ZNF512: variants seen among roughly 807,000 people sequenced by gnomAD.
ZNF512 encodes the protein zinc finger protein 512.
In ZNF512, 25 loss-of-function variants were observed where a neutral mutation model predicts 77.5. The observed-to-expected ratio is 0.32, with a 90% CI of 0.23 to 0.45. The LOEUF (loss-of-function observed/expected upper bound fraction) is 0.45. Ranked by LOEUF, ZNF512 falls within the 20% of genes least tolerant of loss-of-function variation. The probability of loss-of-function intolerance (pLI) is 1.00; values close to 1 mark genes in which losing one functional copy is unlikely to be tolerated. For synonymous variants in ZNF512, 246 were observed against 239.9 expected, an observed-to-expected ratio of 1.03 and a Z score of -0.24; for missense variants, 483 against 692.6, an observed-to-expected ratio of 0.70 and a Z score of 3.40.
rs1261959349 is a variant in ZNF512 at position 27,607,979 on chromosome 2, A to T, written c.1071A>T (p.Glu357Asp). ...ACCTACAGGAGCTGGCCTCTGCTGAACTGGCCAAGGAATGGCCCAAGAGGA... is the reference window on the plus strand; with the variant it reads ...ACCTACAGGAGCTGGCCTCTGCTGATCTGGCCAAGGAATGGCCCAAGAGGA... ...VYHLQELASA[E>D]LAKEWPKRKV... is the part of the protein sequence containing the mutation. The change falls in exon 10 of 14, where the codon GAA (glutamate) becomes GAT (aspartate). Residue 357 changes from glutamate to aspartate, a missense_variant. Glu to Asp is a conservative substitution (Grantham distance 45). Transcript: ENST00000355467. 1 of 1,612,278 alleles carries T rather than the reference A, an allele frequency of 6.2e-7. No individual in the cohort carries two copies. Among genetic ancestry groups the T allele is most frequent in the Non-Finnish European group, 8.5e-7 (1 of 1,179,196 alleles).
At chr2:27,596,165 C>T (rs867825727) in intron 2 of ZNF512, among the ~76,000 whole-genome samples, 9 of 152,248 alleles carry the variant, frequency 5.9e-5, no homozygotes, top group South Asian at 4.2e-4. Flanking sequence ...TTTGAGCTGT[C>T]CCAAACATGA....
intron 10 of ZNF512, among the ~76,000 whole-genome samples, chr2:27,612,372 G>C (rs1397049222): frequency 6.6e-6 from 1 of 151,864 alleles, no homozygotes; most frequent in Admixed American, 6.6e-5. Flanking sequence ...TTTTATTAAA[G>C]AATATATTTA....
At chr2:27,619,698 A>G (rs537598478) in intron 13 of ZNF512, among the ~76,000 whole-genome samples, 2 of 152,172 alleles carry the variant, frequency 1.3e-5, no homozygotes, top group South Asian at 2.1e-4. Context: ...TGAACCCAGT[A>G]TGCTGTCAGC....
Position 27,583,733 on chromosome 2 carries a change from A to C in ZNF512, c.89+17A>C. 6.2e-7 allele frequency: 1 copy of C among 1,613,292 alleles called. No individual in the cohort carries two copies. Reference sequence around the variant, plus strand: ...AGCTAAGAAGTAAGTGAGGTTTTCTAAGGTCCTTTTATGATTGTGTCACCA... The same window carrying C: ...AGCTAAGAAGTAAGTGAGGTTTTCTCAGGTCCTTTTATGATTGTGTCACCA... On this transcript the variant is annotated intron_variant, in intron 2 of 13. Coordinates refer to ENST00000355467, the MANE Select transcript of ZNF512 (RefSeq NM_032434.4).
intron 9 of ZNF512, among the ~76,000 whole-genome samples, chr2:27,607,515 G>A (rs756665777): frequency 2.6e-5 from 4 of 152,020 alleles, no homozygotes; most frequent in Non-Finnish European, 5.9e-5. Context: ...CTACAGGCGT[G>A]TGCCACCATG....
At position 27,601,448 on chromosome 2, in the gene ZNF512, A is replaced by G; in HGVS notation, c.669+6A>G. The G allele has an allele frequency of 6.2e-7, 1 of 1,607,572 alleles. No homozygotes were observed. The highest frequency in any genetic ancestry group is 8.5e-7 in the Non-Finnish European group (1 of 1,175,866). On this transcript the variant is annotated splice_donor_region_variant and intron_variant, in intron 7 of 13. Coordinates refer to ENST00000355467, the MANE Select transcript of ZNF512 (RefSeq NM_032434.4). ...TGGCAAATCATAATAGTTTGGTAAG[A>G]GTGTCTTCTGTCTTTTGTGAGTGTT... is the stretch of plus-strand genomic sequence containing the variant.
At chr2:27,589,538 A>T (rs1382518268) in intron 2 of ZNF512, among the ~76,000 whole-genome samples, 2 of 152,132 alleles carry the variant, frequency 1.3e-5, no homozygotes, top group Non-Finnish European at 2.9e-5. Flanking sequence ...CATTTCAAAG[A>T]ACCACATTTC....
intron 10 of ZNF512, among the ~76,000 whole-genome samples, chr2:27,610,544 GTATATATA>G (rs1247718248): frequency 4.3e-4 from 14 of 32,660 alleles, no homozygotes; most frequent in Admixed American, 1.8e-3. Flanking sequence ...ATATGTGTGT[GTATATATA>G]TATATATATA....
rs1420253737 is a variant in ZNF512, at chr2:27,598,191, C to T, written c.214C>T (p.Arg72Ter). ...EPVSDFPASF[R>*]KSTYWMKMRR... ...AGTGAGTGATTTTCCAGCATCTTTCCGAAAATCTACCTACTGGATGAAGAT... is the reference window on the plus strand; with the variant it reads ...AGTGAGTGATTTTCCAGCATCTTTCTGAAAATCTACCTACTGGATGAAGAT... The change falls in exon 3 of 14, where the codon CGA becomes TGA. Residue 72 changes from arginine to a stop codon, truncating the protein, a stop_gained. Coordinates refer to ENST00000355467, the MANE Select transcript of ZNF512 (RefSeq NM_032434.4). LOFTEE classifies it high-confidence loss of function. 1.9e-6 allele frequency: 3 copies of T among 1,613,986 alleles called. No individual in the cohort carries two copies. The highest frequency in any genetic ancestry group is 2.5e-6 in the Non-Finnish European group (3 of 1,179,984).
At chr2:27,596,374 C>A (rs1671870916) in intron 2 of ZNF512, among the ~76,000 whole-genome samples, 1 of 152,208 alleles carries the variant, frequency 6.6e-6, no homozygotes, top group African/African-American at 2.4e-5. Flanking sequence ...TGGATTCATA[C>A]ATTGAATTAA....
chr2:27,610,086 C>T (rs13404817), intron 10 of ZNF512, among the ~76,000 whole-genome samples: 81 of 150,590 alleles, frequency 5.4e-4, no homozygotes, highest in African/African-American at 1.6e-3. Flanking sequence ...TATTTGTTGC[C>T]GGGCGTGGTG....
At chr2:27,614,874 A>G (rs1672817253) in intron 10 of ZNF512, among the ~76,000 whole-genome samples, 1 of 151,734 alleles carries the variant, frequency 6.6e-6, no homozygotes, top group African/African-American at 2.4e-5. Context: ...TTTTTAACAC[A>G]TATTTTAATT....
chr2:27,614,742 A>G (rs1672810135), intron 10 of ZNF512, among the ~76,000 whole-genome samples: 1 of 151,484 alleles, frequency 6.6e-6, no homozygotes, highest in Non-Finnish European at 1.5e-5. Flanking sequence ...ATACACTTCT[A>G]ACCTTTTACT....
rs772409987 is a variant in ZNF512 at position 27,603,591 on chromosome 2, T to TATTA, written c.936+284_936+285insATTA. ...TTTATATAGTGTGTGTGTGTGTATATTTTTTTTTTTTTTTTTCTTCAAGAG... is the reference window on the plus strand; with the variant it reads ...TTTATATAGTGTGTGTGTGTGTATATATTATTTTTTTTTTTTTTTTCTTCAAGAG... On this transcript the variant is annotated intron_variant, in intron 9 of 13. Coordinates refer to ENST00000355467, the MANE Select transcript of ZNF512 (RefSeq NM_032434.4). Among the ~76,000 whole-genome samples, 29 of 87,240 alleles carry TATTA rather than the reference T, an allele frequency of 3.3e-4. 1 individual carries two copies. The highest frequency in any genetic ancestry group is 1.2e-3 in the African/African-American group (28 of 22,944). The allele number at this position is 87,240 out of a possible 152,430, so 57.2% of individuals were successfully genotyped here.
At chr2:27,584,547 C>G (rs62138961) in intron 2 of ZNF512, among the ~76,000 whole-genome samples, 23,786 of 152,090 alleles carry the variant, frequency 0.16, 2,219 homozygotes, top group South Asian at 0.27. Context: ...GGGAGATAGG[C>G]AAGTAGGTCA....
chr2:27,620,222 C>T (rs1014813961), intron 13 of ZNF512, among the ~76,000 whole-genome samples: 1 of 151,936 alleles, frequency 6.6e-6, no homozygotes, highest in African/African-American at 2.4e-5. Flanking sequence ...TTTTTCATAA[C>T]AAGTCTTTGA....
intron 11 of ZNF512, 33 bp downstream of exon 11, chr2:27,615,302 GT>G: frequency 2.1e-6 from 3 of 1,407,252 alleles, no homozygotes; most frequent in South Asian, 1.3e-5. Flanking sequence ...TTCAGTAAAT[GT>G]TTATCAAGCA....
intron 2 of ZNF512, among the ~76,000 whole-genome samples, chr2:27,593,782 C>CTTTTTTTTTTTT (rs768572545): frequency 7.4e-6 from 1 of 134,516 alleles, no homozygotes. Context: ...TTCTTTCTTT[C>CTTTTTTTTTTTT]TTTTTTTTTT....
rs947799395 is a variant in ZNF512, at chr2:27,603,050, G to A, written c.769-90G>A. 5 of 1,438,906 alleles carry A rather than the reference G, an allele frequency of 3.5e-6. No homozygotes were observed. The African/African-American group carries it at 4.2e-5, about 12-fold the overall frequency. 89.1% of individuals were successfully genotyped at this position (1,438,906 alleles called of 1,614,324 possible). A position where few individuals can be genotyped will look rare whatever the true frequency, so the allele number is the denominator to read the frequency against. ...AAATCAGAGGGTCTATTTGTATTTT[G>A]TGGTGGTGAATGCTTTATGGCTGTT... On this transcript the variant is annotated intron_variant, in intron 8 of 13. Coordinates refer to ENST00000355467, the MANE Select transcript of ZNF512 (RefSeq NM_032434.4).
Sources: gnomAD v4.1 joint callset for allele counts (sites outside exome capture counted in the v4.1 genomes callset) on GRCh38, gnomAD v4.1.1 for gene constraint, MANE v1.5 for transcripts, NCBI Gene and HGNC (gene_info 2026-07-23, HGNC 2026-07-21) for gene names.